Variants in GPATCH8 observed in about 807,000 individuals in gnomAD.
GPATCH8 encodes G patch domain-containing protein 8.
Under a neutral mutation model 118.3 loss-of-function variants are expected in GPATCH8, and 18 were observed. That is an observed-to-expected ratio of 0.15 (90% CI 0.11 to 0.23). The LOEUF is 0.23. Among genes scored for constraint, GPATCH8 ranks in the 10% least tolerant of loss-of-function variants. GPATCH8 has a pLI of 1.00. For synonymous variants in GPATCH8, 659 were observed against 684.7 expected, an observed-to-expected ratio of 0.96 and a Z score of 0.59; for missense variants, 1,631 against 1,873.8, an observed-to-expected ratio of 0.87 and a Z score of 2.39.
At chr17:44,476,277 T>G (rs1477033444) in intron 1 of GPATCH8, among the ~76,000 whole-genome samples, 1 of 151,914 alleles carries the variant, frequency 6.6e-6, no homozygotes, top group Non-Finnish European at 1.5e-5. Flanking sequence ...CAATCTCAGC[T>G]CACCGCAACC....
chr17:44,414,459 C>T (rs2143801017), intron 6 of GPATCH8, among the ~76,000 whole-genome samples: 1 of 152,116 alleles, frequency 6.6e-6, no homozygotes, highest in East Asian at 1.9e-4. Context: ...AGATGCACTC[C>T]ATCATGCCCT....
At chr17:44,493,669 T>C (rs537334310) in intron 1 of GPATCH8, among the ~76,000 whole-genome samples, 1 of 152,116 alleles carries the variant, frequency 6.6e-6, no homozygotes, top group East Asian at 1.9e-4. Flanking sequence ...GGGAGGATGG[T>C]GTGAGCCCAG....
At chr17:44,452,027 T>C (rs1395817957) in intron 3 of GPATCH8, among the ~76,000 whole-genome samples, 1 of 151,972 alleles carries the variant, frequency 6.6e-6, no homozygotes, top group Non-Finnish European at 1.5e-5. Context: ...TCCCAGCACT[T>C]TGGGAGGCCG....
At chr17:44,464,944 T>G in intron 2 of GPATCH8, 2 of 178,760 alleles carry the variant, frequency 1.1e-5, no homozygotes, top group Non-Finnish European at 1.2e-5. Context: ...TTTTTTTTTT[T>G]TTAAAGAAAA....
In GPATCH8 at chr17:44,401,435, G is replaced by A. The variant is rs1329899395; in HGVS notation, c.642C>T (p.Pro214=). Residue 214 remains proline (P), a synonymous_variant, in exon 8 of 8, where the codon CCC becomes CCT. Coordinates refer to ENST00000591680, the MANE Select transcript of GPATCH8 (RefSeq NM_001002909.4). ...CAGCCACTGTGGTTGGTTTGAACAT[G>A]GGACCACTTCCAGGTGCACTACATG... is the stretch of plus-strand genomic sequence containing the variant. ...KQAECAPGSG[P]MFKPTTVAVD... is the part of the protein sequence containing the mutation. 1 of 1,608,894 alleles carries A rather than the reference G, an allele frequency of 6.2e-7. No homozygotes were observed.
intron 1 of GPATCH8, among the ~76,000 whole-genome samples, chr17:44,499,624 TA>T (rs1398834929): frequency 6.6e-6 from 1 of 152,252 alleles, no homozygotes; most frequent in Non-Finnish European, 1.5e-5. Context: ...CACTGTTTCT[TA>T]ATGGCACCGT....
chr17:44,419,659 AT>A (rs112751479), intron 6 of GPATCH8, among the ~76,000 whole-genome samples: 204 of 147,244 alleles, frequency 1.4e-3, no homozygotes, highest in Non-Finnish European at 1.4e-3. Flanking sequence ...CATCAGGGTA[AT>A]TTTTTTTTTT....
chr17:44,430,424 GA>G (rs1567977436), intron 5 of GPATCH8, among the ~76,000 whole-genome samples: 1 of 151,722 alleles, frequency 6.6e-6, no homozygotes, highest in South Asian at 2.1e-4. Flanking sequence ...AATATAAAAG[GA>G]AAAAACCCAC....
chr17:44,481,585 G>GT (rs1376438972), intron 1 of GPATCH8, among the ~76,000 whole-genome samples: 1 of 152,094 alleles, frequency 6.6e-6, no homozygotes, highest in Non-Finnish European at 1.5e-5. Context: ...ACTATGATGC[G>GT]TTTTGTCAAT....
intron 3 of GPATCH8, among the ~76,000 whole-genome samples, chr17:44,463,747 T>C (rs2051652732): frequency 6.6e-6 from 1 of 152,244 alleles, no homozygotes; most frequent in African/African-American, 2.4e-5. Flanking sequence ...CTCTTGAATC[T>C]GAGAAAGCTA....
At chr17:44,414,239 GA>G (rs1238598598) in intron 6 of GPATCH8, among the ~76,000 whole-genome samples, 1 of 151,048 alleles carries the variant, frequency 6.6e-6, no homozygotes, top group Admixed American at 6.6e-5. Context: ...CTACCACCAT[GA>G]AAACTTAAGC....
At chr17:44,466,573 CA>C (rs1215895661) in intron 2 of GPATCH8, among the ~76,000 whole-genome samples, 2 of 152,058 alleles carry the variant, frequency 1.3e-5, no homozygotes, top group Non-Finnish European at 2.9e-5. Context: ...CCAGGAAAAA[CA>C]TTCCCTTACC....
At position 44,453,493 on chromosome 17, in the gene GPATCH8, AGGTAGG is replaced by A. The variant is rs1437181519; in HGVS notation, c.193+10973_193+10978del. On this transcript the variant is annotated intron_variant, in intron 3 of 7. Transcript: ENST00000591680. ...CCCTTCTAGTTGTAGGTAGGTAGGT[AGGTAGG>A]GGTGTGTGTGTGTGTGTGTGTGTGT... 2.9e-4 allele frequency among the ~76,000 whole-genome samples: 13 copies of A among 44,152 alleles called. 1 individual carries two copies. Among genetic ancestry groups the A allele is most frequent in the Admixed American group, 8.2e-4 (3 of 3,660 alleles). The allele number at this position is 44,152 out of a possible 152,430, so 29.0% of individuals were successfully genotyped here. A position where few individuals can be genotyped will look rare whatever the true frequency, so the allele number is the denominator to read the frequency against.
At chr17:44,462,936 G>GCGC (rs981467634) in intron 3 of GPATCH8, among the ~76,000 whole-genome samples, 2 of 151,974 alleles carry the variant, frequency 1.3e-5, no homozygotes, top group African/African-American at 4.8e-5. Context: ...AGCCGAGATC[G>GCGC]CGCCGCTGCA....
At chr17:44,405,782 G>C (rs1028047864) in intron 7 of GPATCH8, 139 bp downstream of exon 7, 9 of 633,904 alleles carry the variant, frequency 1.4e-5, no homozygotes, top group Admixed American at 1.0e-4. Flanking sequence ...GGGATTATAG[G>C]GGTGAGCCAC....
At chr17:44,436,714 C>T (rs1319267246) in intron 3 of GPATCH8, 169 bp from the exon 4 acceptor site, 4 of 671,818 alleles carry the variant, frequency 6.0e-6, no homozygotes, top group African/African-American at 5.4e-5. Flanking sequence ...ACCTTCCTTT[C>T]CTAGTTTAAA....
At chr17:44,429,467 G>A (rs1215877353) in intron 5 of GPATCH8, among the ~76,000 whole-genome samples, 1 of 152,072 alleles carries the variant, frequency 6.6e-6, no homozygotes, top group African/African-American at 2.4e-5. Flanking sequence ...AAAATCTTGT[G>A]TGTATATATA....
chr17:44,417,420 T>C (rs1040294739), intron 6 of GPATCH8, among the ~76,000 whole-genome samples: 2 of 152,196 alleles, frequency 1.3e-5, no homozygotes, highest in Non-Finnish European at 2.9e-5. Flanking sequence ...GGTTTTGCCA[T>C]GTTGCCCAGA....
chr17:44,455,102 A>G (rs1270500005), intron 3 of GPATCH8, among the ~76,000 whole-genome samples: 3 of 152,220 alleles, frequency 2.0e-5, no homozygotes, highest in Non-Finnish European at 4.4e-5. Context: ...TTTCAGTATC[A>G]GCTTTTCCTA....
Sources: gnomAD v4.1 joint callset for allele counts (sites outside exome capture counted in the v4.1 genomes callset) on GRCh38, gnomAD v4.1.1 for gene constraint, MANE v1.5 for transcripts, NCBI Gene and HGNC (gene_info 2026-07-23, HGNC 2026-07-21) for gene names.